COL5A2: variants seen among roughly 807,000 people sequenced by gnomAD.
The protein encoded by COL5A2 is collagen alpha-2(V) chain.
COL5A2 carries 23 observed loss-of-function variants against 208.2 expected under a neutral mutation model. The observed-to-expected ratio is 0.11, with a 90% CI of 0.08 to 0.16. The LOEUF is 0.16. Ranked by LOEUF, COL5A2 falls within the 10% of genes least tolerant of loss-of-function variation. The pLI, the probability that COL5A2 is intolerant of heterozygous loss-of-function variation, is 1.00. For missense variants in COL5A2, 1,590 were observed against 1,956.4 expected, an observed-to-expected ratio of 0.81 and a Z score of 3.53; for synonymous variants, 625 against 628.5, an observed-to-expected ratio of 0.99 and a Z score of 0.08.
At chr2:189,234,327 C>T in the COL5A2 span, among the ~76,000 whole-genome samples, 1 of 151,608 alleles carries the variant, frequency 6.6e-6, no homozygotes, top group Admixed American at 6.6e-5. Context: ...AATTATATTT[C>T]CCTTTTATTA....
chr2:189,257,941 T>C, the COL5A2 span, among the ~76,000 whole-genome samples: 392 of 152,120 alleles, frequency 2.6e-3, 1 homozygote, highest in African/African-American at 8.2e-3. Context: ...AGTGAAACCC[T>C]GTCTCTACTA....
intron 29 of COL5A2, 93 bp downstream of exon 29, chr2:189,062,771 GA>G: frequency 1.4e-6 from 2 of 1,432,564 alleles, no homozygotes; most frequent in Non-Finnish European, 2.0e-6. Flanking sequence ...CACTTTCCCT[GA>G]AACTTACCCA....
At chr2:189,265,333 G>A in the COL5A2 span, among the ~76,000 whole-genome samples, 80,742 of 151,926 alleles carry the variant, frequency 0.53, 24,863 homozygotes, top group East Asian at 0.72. Context: ...AGGTGTCAGC[G>A]GAGCCATATT....
chr2:189,057,289 T>C (rs776763720), intron 34 of COL5A2, 31 bp downstream of exon 34: 12 of 524,694 alleles, frequency 2.3e-5, no homozygotes, highest in Non-Finnish European at 2.8e-6. Flanking sequence ...ATAAATGAAC[T>C]GAAAAAAAAA....
the COL5A2 span, among the ~76,000 whole-genome samples, chr2:189,270,511 T>G: frequency 6.6e-6 from 1 of 152,180 alleles, no homozygotes; most frequent in Non-Finnish European, 1.5e-5. Flanking sequence ...AGCATGTTGT[T>G]CAGTTTTCAT....
intron 1 of COL5A2, among the ~76,000 whole-genome samples, chr2:189,141,830 G>A (rs899175969): frequency 1.1e-4 from 17 of 152,132 alleles, no homozygotes; most frequent in African/African-American, 4.1e-4. Flanking sequence ...TTCACTTGAA[G>A]AAATCCAATT....
intron 1 of COL5A2, among the ~76,000 whole-genome samples, chr2:189,154,420 T>A (rs1387795023): frequency 6.6e-6 from 1 of 152,300 alleles, no homozygotes; most frequent in East Asian, 1.9e-4. Context: ...TTCTTCTTCT[T>A]CCACAAATAT....
chr2:189,439,539 T>C, the COL5A2 span, among the ~76,000 whole-genome samples: 1 of 152,264 alleles, frequency 6.6e-6, no homozygotes, highest in Admixed American at 6.5e-5. Flanking sequence ...GTGGCATGAA[T>C]GATCCACTGC....
intron 1 of COL5A2, among the ~76,000 whole-genome samples, chr2:189,186,010 A>AT (rs144544727): frequency 1.6e-3 from 239 of 146,736 alleles, no homozygotes; most frequent in East Asian, 4.9e-3. Context: ...GCAAACCATA[A>AT]TTTTTTTTTT....
the COL5A2 span, among the ~76,000 whole-genome samples, chr2:189,294,531 G>T: frequency 7.9e-5 from 12 of 151,348 alleles, no homozygotes; most frequent in African/African-American, 2.7e-4. Context: ...TATCACATTT[G>T]TCAGTGCAAT....
chr2:189,356,380 G>A, the COL5A2 span, among the ~76,000 whole-genome samples: 15 of 152,224 alleles, frequency 9.9e-5, no homozygotes, highest in South Asian at 1.5e-3. Flanking sequence ...CCAATCAAAC[G>A]TAGATTTGGT....
intron 3 of COL5A2, among the ~76,000 whole-genome samples, chr2:189,100,580 G>GT (rs1210058198): frequency 1.3e-5 from 2 of 151,940 alleles, no homozygotes; most frequent in East Asian, 3.9e-4. Flanking sequence ...ATGACACATA[G>GT]TTTTCAGGAT....
At chr2:189,207,467 AC>A (rs1055348408) in intron 1 of COL5A2, among the ~76,000 whole-genome samples, 6 of 152,190 alleles carry the variant, frequency 3.9e-5, no homozygotes, top group Non-Finnish European at 8.8e-5. Flanking sequence ...AATAGCATTC[AC>A]CAGTCATACA....
At chr2:189,054,124 A>C (rs771357428) in intron 36 of COL5A2, 35 bp downstream of exon 36, 1 of 1,591,710 alleles carries the variant, frequency 6.3e-7, no homozygotes, top group South Asian at 1.1e-5. Flanking sequence ...AGGACTCATA[A>C]TTTTGAGTGT....
intron 29 of COL5A2, among the ~76,000 whole-genome samples, chr2:189,062,537 C>A (rs978489584): frequency 4.0e-5 from 6 of 151,890 alleles, no homozygotes; most frequent in African/African-American, 1.2e-4. Flanking sequence ...AATTGAGTAT[C>A]TAAATATTTT....
At chr2:189,051,767 C>T (rs1299521069) in intron 41 of COL5A2, among the ~76,000 whole-genome samples, 1 of 152,134 alleles carries the variant, frequency 6.6e-6, no homozygotes, top group Non-Finnish European at 1.5e-5. Flanking sequence ...TTATTTAAAG[C>T]TCCACTCCAA....
chr2:189,236,395 T>G, the COL5A2 span, among the ~76,000 whole-genome samples: 1 of 151,800 alleles, frequency 6.6e-6, no homozygotes, highest in African/African-American at 2.4e-5. Context: ...CAGAGTAGAA[T>G]AATTGGGCAA....
chr2:189,393,281 T>G, the COL5A2 span, among the ~76,000 whole-genome samples: 2 of 152,178 alleles, frequency 1.3e-5, no homozygotes, highest in Non-Finnish European at 2.9e-5. Flanking sequence ...GGCAATATCC[T>G]TGTTTATTCT....
chr2:189,405,237 T>C, the COL5A2 span, among the ~76,000 whole-genome samples: 1 of 150,178 alleles, frequency 6.7e-6, no homozygotes, highest in Non-Finnish European at 1.5e-5. Flanking sequence ...ATGCCTTTTT[T>C]TTCTTTTTTT....
Sources: allele counts gnomAD v4.1 joint callset (sites outside exome capture counted in the v4.1 genomes callset), GRCh38; gene constraint gnomAD v4.1.1; transcripts MANE v1.5; gene names NCBI Gene and HGNC (gene_info 2026-07-23, HGNC 2026-07-21).